Variants in STK32B observed in about 807,000 individuals in gnomAD.
The protein encoded by STK32B is serine/threonine kinase 32B, also known as serine/threonine-protein kinase 32B.
In STK32B, 43 loss-of-function variants were observed where a neutral mutation model predicts 52.6. The observed-to-expected ratio is 0.82, with a 90% CI of 0.64 to 1.05. The LOEUF (loss-of-function observed/expected upper bound fraction) is 1.05, where lower values mean the gene tolerates loss of function less well. Ranked by LOEUF, STK32B falls within the 50% of genes least tolerant of loss-of-function variation. The probability of loss-of-function intolerance (pLI) is 0.00; values close to 1 mark genes in which losing one functional copy is unlikely to be tolerated. For missense variants in STK32B, 621 were observed against 534.6 expected (o/e 1.16, Z -1.59); for synonymous variants, 238 against 204.3 (o/e 1.17, Z -1.41).
At chr4:5,082,714 T>C (rs2108776713) in intron 1 of STK32B, among the ~76,000 whole-genome samples, 1 of 149,196 alleles carries the variant, frequency 6.7e-6, no homozygotes, top group Non-Finnish European at 1.5e-5. Context: ...ATCATGAAAG[T>C]AGTACATGTT....
At chr4:5,189,035 G>A (rs530832191) in intron 3 of STK32B, among the ~76,000 whole-genome samples, 3 of 151,688 alleles carry the variant, frequency 2.0e-5, no homozygotes, top group African/African-American at 7.3e-5. Flanking sequence ...AAGAAAAACA[G>A]ATGTAAAAGT....
intron 1 of STK32B, among the ~76,000 whole-genome samples, chr4:5,073,013 T>C (rs6830562): frequency 0.8 from 121,941 of 152,016 alleles, 49,137 homozygotes; most frequent in East Asian, 0.98. Flanking sequence ...CTGCTGTTAA[T>C]ATGATCACAG....
At chr4:5,253,165 C>A (rs1420144059) in intron 3 of STK32B, among the ~76,000 whole-genome samples, 1 of 152,084 alleles carries the variant, frequency 6.6e-6, no homozygotes, top group Non-Finnish European at 1.5e-5. Flanking sequence ...TTGGGTTGAT[C>A]CACATGCTCT....
At chr4:5,481,690 T>C (rs1255896372) in intron 11 of STK32B, among the ~76,000 whole-genome samples, 3 of 152,188 alleles carry the variant, frequency 2.0e-5, no homozygotes, top group Admixed American at 1.3e-4. Flanking sequence ...ATTGCCTAGT[T>C]TTTCTTCTAG....
intron 3 of STK32B, among the ~76,000 whole-genome samples, chr4:5,281,702 C>T (rs890046398): frequency 1.3e-5 from 2 of 152,128 alleles, no homozygotes; most frequent in African/African-American, 4.8e-5. Context: ...GAGATATGCA[C>T]CATTGTATTA....
intron 3 of STK32B, among the ~76,000 whole-genome samples, chr4:5,315,545 G>A (rs554192379): frequency 7.9e-5 from 12 of 152,086 alleles, no homozygotes; most frequent in African/African-American, 2.9e-4. Flanking sequence ...ATTTATGGAT[G>A]CATATATTGT....
rs3832265 is a variant in STK32B at position 5,500,678 on chromosome 4, T to TAGTC, written c.*1599_*1602dup. On this transcript the variant is annotated 3_prime_UTR_variant, in exon 12 of 12. Transcript: ENST00000282908. The stretch of plus-strand genomic sequence containing the variant: ...ATATTTTTATTTTTTAAAAAAGAAA[T>TAGTC]AGTCAGTGTTTTCCTCCTTTCAACC... 6.6e-6 allele frequency: 1 copy of TAGTC among 152,208 alleles called. No individual in the cohort carries two copies. Among genetic ancestry groups the TAGTC allele is most frequent in the African/African-American group, 2.4e-5 (1 of 41,444 alleles). The allele number at this position is 152,208 out of a possible 1,614,324, so 9.4% of individuals were successfully genotyped here.
intron 3 of STK32B, among the ~76,000 whole-genome samples, chr4:5,298,758 T>C (rs1729369082): frequency 6.6e-6 from 1 of 152,036 alleles, no homozygotes; most frequent in African/African-American, 2.4e-5. Flanking sequence ...GCAAGACCAC[T>C]TGGCTCCCTC....
intron 6 of STK32B, among the ~76,000 whole-genome samples, chr4:5,418,161 G>A (rs1712316090): frequency 6.6e-6 from 1 of 152,220 alleles, no homozygotes; most frequent in African/African-American, 2.4e-5. Flanking sequence ...CCATCACTGT[G>A]TCTTTTAACT....
chr4:5,271,016 C>G (rs578114145), intron 3 of STK32B, among the ~76,000 whole-genome samples: 183 of 152,044 alleles, frequency 1.2e-3, no homozygotes, highest in African/African-American at 4.1e-3. Context: ...CAGCCCACTG[C>G]AACCTCTGCC....
rs1231153826 is a variant in STK32B, at chr4:5,051,862, A to G, written c.-2A>G. The stretch of plus-strand genomic sequence containing the variant: ...ATGTAGCAGCGGCAGCAACGGCGGA[A>G]TATGGGCGGGAACCACTCCCACAAG... On this transcript the variant is annotated 5_prime_UTR_variant, in exon 1 of 12. Coordinates refer to ENST00000282908, the MANE Select transcript of STK32B (RefSeq NM_018401.3). 6.3e-7 allele frequency: 1 copy of G among 1,598,292 alleles called. No individual in the cohort carries two copies. Among genetic ancestry groups the G allele is most frequent in the Non-Finnish European group, 8.5e-7 (1 of 1,173,076 alleles).
intron 1 of STK32B, among the ~76,000 whole-genome samples, chr4:5,070,577 G>A (rs1300764311): frequency 6.6e-6 from 1 of 152,172 alleles, no homozygotes; most frequent in Non-Finnish European, 1.5e-5. Flanking sequence ...GATCTTACTT[G>A]GAGATACAGG....
At position 5,498,299 on chromosome 4, in the gene STK32B, A is replaced by G. The variant is rs191079277; in HGVS notation, c.1107-646A>G. Among the ~76,000 whole-genome samples, 5 of 152,342 alleles carry G rather than the reference A, an allele frequency of 3.3e-5. No individual in the cohort carries two copies. The East Asian group carries it at 9.6e-4, about 29-fold the overall frequency. On this transcript the variant is annotated intron_variant, in intron 11 of 11. Transcript: ENST00000282908. ...ATATTGACATCTTCCAACATGTGAA[A>G]GGTGACCAAGTGGCCCACTGCTAGG...
At chr4:5,108,002 A>G (rs1714198712) in intron 1 of STK32B, among the ~76,000 whole-genome samples, 2 of 152,212 alleles carry the variant, frequency 1.3e-5, no homozygotes, top group Non-Finnish European at 2.9e-5. Context: ...ACTCACATCA[A>G]TAAATGCAAC....
At position 5,431,722 on chromosome 4, in the gene STK32B, C is replaced by T. The variant is rs138860542; in HGVS notation, c.562+14788C>T. ...TTCTTGCATACTTTAGTGAAATGAG[C>T]TTTCTATTGCTAGCAATGCTACTAG... On this transcript the variant is annotated intron_variant, in intron 6 of 11. Transcript: ENST00000282908. Among the ~76,000 whole-genome samples the T allele has an allele frequency of 4.0e-3, 609 of 152,278 alleles. 1 individual carries two copies. Among genetic ancestry groups the T allele is most frequent in the African/African-American group, 0.014 (572 of 41,574 alleles).
intron 3 of STK32B, among the ~76,000 whole-genome samples, chr4:5,253,591 G>T (rs1289390758): frequency 6.6e-6 from 1 of 152,056 alleles, no homozygotes; most frequent in Admixed American, 6.6e-5. Flanking sequence ...GGACAGGCTG[G>T]TCTCAAACTC....
chr4:5,081,830 T>G (rs1560141797), intron 1 of STK32B, among the ~76,000 whole-genome samples: 1 of 152,180 alleles, frequency 6.6e-6, no homozygotes, highest in East Asian at 1.9e-4. Flanking sequence ...TCACTGAGCT[T>G]CTTTAAAAAC....
intron 11 of STK32B, among the ~76,000 whole-genome samples, chr4:5,498,671 GA>G (rs1720484093): frequency 6.6e-6 from 1 of 152,196 alleles, no homozygotes; most frequent in African/African-American, 2.4e-5. Context: ...ACATCACAAG[GA>G]AATACAAGAT....
intron 6 of STK32B, among the ~76,000 whole-genome samples, chr4:5,445,369 G>A (rs11737633): frequency 0.031 from 4,688 of 152,218 alleles, 79 homozygotes; most frequent in South Asian, 0.085. Flanking sequence ...GTGGCTCCCC[G>A]GGGCAGATTT....
Sources: allele counts gnomAD v4.1 joint callset (sites outside exome capture counted in the v4.1 genomes callset), GRCh38; gene constraint gnomAD v4.1.1; transcripts MANE v1.5; gene names NCBI Gene and HGNC (gene_info 2026-07-23, HGNC 2026-07-21).